Variants in FGGY observed in about 807,000 individuals in gnomAD.
The protein encoded by FGGY is FGGY carbohydrate kinase domain containing.
Under a neutral mutation model 71.3 loss-of-function variants are expected in FGGY, and 72 were observed. That is an observed-to-expected ratio of 1.01 (90% CI 0.84 to 1.23). The LOEUF (loss-of-function observed/expected upper bound fraction) is 1.23, where lower values mean the gene tolerates loss of function less well. FGGY is among the 50% of genes most tolerant of loss of function. The pLI is 0.00. For missense variants in FGGY, 668 were observed against 682.3 expected (o/e 0.98, Z 0.23); for synonymous variants, 251 against 250.3 (o/e 1.00, Z -0.02).
chr1:59,319,655 G>A (rs1452340540), intron 1 of FGGY, among the ~76,000 whole-genome samples: 2 of 152,340 alleles, frequency 1.3e-5, no homozygotes, highest in East Asian at 3.9e-4. Context: ...GATTGGGGCA[G>A]CCTTTAGCAG....
At chr1:59,439,942 C>A (rs534966464) in intron 5 of FGGY, among the ~76,000 whole-genome samples, 133 of 152,240 alleles carry the variant, frequency 8.7e-4, no homozygotes, top group African/African-American at 3.2e-3. Context: ...CTAGTCGATC[C>A]AGCCAGGCTG....
intron 4 of FGGY, 122 bp downstream of exon 4, chr1:59,346,520 A>C: frequency 1.8e-6 from 2 of 1,115,704 alleles, no homozygotes; most frequent in South Asian, 3.1e-5. Flanking sequence ...AGCAACTAGG[A>C]GGAAGGTTGA....
intron 1 of FGGY, among the ~76,000 whole-genome samples, chr1:59,318,296 T>TC (rs1246514763): frequency 6.6e-6 from 1 of 152,164 alleles, no homozygotes; most frequent in African/African-American, 2.4e-5. Context: ...TTTTTTTATT[T>TC]CCCCAGTGAT....
At chr1:59,598,169 C>T (rs1341929059) in intron 8 of FGGY, among the ~76,000 whole-genome samples, 2 of 152,204 alleles carry the variant, frequency 1.3e-5, no homozygotes, top group Non-Finnish European at 2.9e-5. Context: ...TCTTTGAAGG[C>T]ACACAGCTCT....
chr1:59,304,709 G>A (rs1418222096), intron 1 of FGGY, among the ~76,000 whole-genome samples: 2 of 151,986 alleles, frequency 1.3e-5, no homozygotes, highest in African/African-American at 4.8e-5. Context: ...ACATGGATAT[G>A]TTTCCATTTA....
At chr1:59,338,042 T>C (rs918983174) in intron 2 of FGGY, among the ~76,000 whole-genome samples, 1 of 152,178 alleles carries the variant, frequency 6.6e-6, no homozygotes, top group Non-Finnish European at 1.5e-5. Context: ...TCTGGTTTAT[T>C]GAATGTTATA....
intron 11 of FGGY, among the ~76,000 whole-genome samples, chr1:59,643,034 C>CAAA (rs965526400): frequency 1.9e-5 from 1 of 53,138 alleles, no homozygotes; most frequent in Non-Finnish European, 3.9e-5. Flanking sequence ...GACTCCATCT[C>CAAA]AAAAAAAAAA....
intron 4 of FGGY, among the ~76,000 whole-genome samples, chr1:59,366,549 A>G (rs1263711147): frequency 6.6e-6 from 1 of 152,200 alleles, no homozygotes; most frequent in African/African-American, 2.4e-5. Flanking sequence ...CAATAATGTT[A>G]TGAGGCTGAC....
intron 3 of FGGY, 24 bp downstream of exon 3, chr1:59,340,093 C>G: frequency 2.0e-6 from 3 of 1,532,582 alleles, no homozygotes; most frequent in Non-Finnish European, 2.7e-6. Context: ...TCTTCCTTTT[C>G]CCAGTGGTGG....
chr1:59,692,269 A>G (rs1399243336), intron 14 of FGGY, among the ~76,000 whole-genome samples: 1 of 152,222 alleles, frequency 6.6e-6, no homozygotes. Flanking sequence ...ATTATGTTAA[A>G]TATCACAACT....
chr1:59,384,840 T>C (rs1045417810), intron 5 of FGGY, among the ~76,000 whole-genome samples: 7 of 152,190 alleles, frequency 4.6e-5, no homozygotes, highest in African/African-American at 1.4e-4. Flanking sequence ...CTGTTCTCTT[T>C]TCTAGAGTAA....
intron 5 of FGGY, among the ~76,000 whole-genome samples, chr1:59,408,843 G>A (rs1401560573): frequency 6.6e-6 from 1 of 152,114 alleles, no homozygotes; most frequent in African/African-American, 2.4e-5. Flanking sequence ...CAACCACTTT[G>A]ATTTCTGCTT....
chr1:59,350,854 T>C (rs997407620), intron 4 of FGGY, among the ~76,000 whole-genome samples: 2 of 152,322 alleles, frequency 1.3e-5, no homozygotes, highest in Admixed American at 1.3e-4. Context: ...TTTTTACCTC[T>C]TCCTCTCTCG....
At chr1:59,460,244 T>G (rs1000647295) in intron 6 of FGGY, among the ~76,000 whole-genome samples, 1 of 152,138 alleles carries the variant, frequency 6.6e-6, no homozygotes, top group African/African-American at 2.4e-5. Context: ...ACCAGGAGAT[T>G]ATATCCTGCG....
chr1:59,515,858 A>G (rs1457701333), intron 7 of FGGY, among the ~76,000 whole-genome samples: 2 of 152,206 alleles, frequency 1.3e-5, no homozygotes. Flanking sequence ...GCAGCATAAA[A>G]ATGGACTAAT....
intron 5 of FGGY, among the ~76,000 whole-genome samples, chr1:59,389,500 C>T (rs953721045): frequency 1.3e-5 from 2 of 152,144 alleles, no homozygotes; most frequent in Non-Finnish European, 2.9e-5. Flanking sequence ...TGGACATTTG[C>T]ATCGTTTCTA....
At chr1:59,744,222 G>A (rs955412023) in intron 14 of FGGY, among the ~76,000 whole-genome samples, 1 of 152,174 alleles carries the variant, frequency 6.6e-6, no homozygotes, top group Non-Finnish European at 1.5e-5. Flanking sequence ...TAAGGCCCAA[G>A]CCATTCTGTT....
chr1:59,320,856 CT>C (rs1246683443), intron 1 of FGGY, among the ~76,000 whole-genome samples: 1 of 152,220 alleles, frequency 6.6e-6, no homozygotes, highest in African/African-American at 2.4e-5. Flanking sequence ...GATTAAATTC[CT>C]TAACTTCTCA....
chr1:59,599,707 A>G (rs910464003), intron 8 of FGGY, among the ~76,000 whole-genome samples: 4 of 149,904 alleles, frequency 2.7e-5, no homozygotes, highest in Non-Finnish European at 4.4e-5. Flanking sequence ...AAAAAAAAAA[A>G]GGAATATGTA....
Sources: allele counts gnomAD v4.1 joint callset (sites outside exome capture counted in the v4.1 genomes callset), GRCh38; gene constraint gnomAD v4.1.1; transcripts MANE v1.5; gene names NCBI Gene and HGNC (gene_info 2026-07-23, HGNC 2026-07-21).